The following STK10 variants were observed in gnomAD, a reference collection of about 807,000 sequenced individuals.
STK10 encodes serine/threonine-protein kinase 10.
STK10 carries 78 observed loss-of-function variants against 113.8 expected under a neutral mutation model. That is an observed-to-expected ratio of 0.69 (90% CI 0.57 to 0.83). The LOEUF is 0.83. STK10 is among the 40% of genes least tolerant of loss of function. The pLI, the probability that STK10 is intolerant of heterozygous loss-of-function variation, is 0.00. For synonymous variants in STK10, 465 were observed against 494.7 expected (o/e 0.94, Z 0.80); for missense variants, 1,109 against 1,280.1 (o/e 0.87, Z 2.04).
intron 14 of STK10, among the ~76,000 whole-genome samples, chr5:172,059,434 C>CAAA (rs58446505): frequency 4.7e-4 from 27 of 56,904 alleles, no homozygotes; most frequent in African/African-American, 9.7e-4. Flanking sequence ...CTCTCCATCT[C>CAAA]AAAAAAAAAA....
At chr5:172,119,119 A>G (rs3103574) in intron 3 of STK10, among the ~76,000 whole-genome samples, 55,419 of 151,558 alleles carry the variant, frequency 0.37, 12,185 homozygotes, top group African/African-American at 0.63. Flanking sequence ...GCTGCAGATC[A>G]CTCAGTGTCC....
intron 1 of STK10, among the ~76,000 whole-genome samples, chr5:172,186,923 A>G (rs551973049): frequency 6.6e-6 from 1 of 152,222 alleles, no homozygotes; most frequent in African/African-American, 2.4e-5. Flanking sequence ...CTAGGGTCAG[A>G]GTGCCCTACA....
intron 2 of STK10, among the ~76,000 whole-genome samples, chr5:172,155,838 T>C (rs1226201280): frequency 6.6e-6 from 1 of 151,538 alleles, no homozygotes; most frequent in Admixed American, 6.6e-5. Flanking sequence ...CTACTAAAAA[T>C]ACAAAAATTA....
Position 172,106,792 on chromosome 5 carries a change from A to C in STK10, c.616T>G (p.Cys206Gly). ...PYWMAPEVVMCETMKDTPYDY... is the reference protein window; with the variant it reads ...PYWMAPEVVMGETMKDTPYDY... ...TAGGGCGTGTCTTTCATGGTCTCAC[A>C]CATGACCACCTCGGGGGCCATCCTG... The change falls in exon 6 of 19, where the codon TGT (cysteine) becomes GGT (glycine). Residue 206 changes from cysteine (C) to glycine (G), a missense_variant. Coordinates refer to ENST00000176763, the MANE Select transcript of STK10 (RefSeq NM_005990.4). The C allele has an allele frequency of 6.2e-7, 1 of 1,614,110 alleles. No individual in the cohort carries two copies. Among genetic ancestry groups the C allele is most frequent in the Non-Finnish European group, 8.5e-7 (1 of 1,180,004 alleles).
At position 172,055,790 on chromosome 5, in the gene STK10, T is replaced by G; in HGVS notation, c.2338-14A>C. The G allele has an allele frequency of 6.8e-7, 1 of 1,460,682 alleles. No individual in the cohort carries two copies. The highest frequency in any genetic ancestry group is 1.5e-5 in the South Asian group (1 of 68,442). The allele number at this position is 1,460,682 out of a possible 1,614,324, so 90.5% of individuals were successfully genotyped here. A position where few individuals can be genotyped will look rare whatever the true frequency, so the allele number is the denominator to read the frequency against. On this transcript the variant is annotated splice_polypyrimidine_tract_variant and intron_variant, in intron 15 of 18. Transcript: ENST00000176763. ...CTGCTCCCGCTCCTGGAGAGGAATA[T>G]CCAGAGGGGCTGAGGGCAGCTGCAC...
At position 172,188,115 on chromosome 5, in the gene STK10, AAGG is replaced by A. The variant is rs1770994999; in HGVS notation, c.-76_-74del. 2 of 1,551,928 alleles carry A rather than the reference AAGG, an allele frequency of 1.3e-6. No individual in the cohort carries two copies. The highest frequency in any genetic ancestry group is 4.0e-5 in the Admixed American group (2 of 50,502). On this transcript the variant is annotated 5_prime_UTR_variant, in exon 1 of 19. Transcript: ENST00000176763. This position sits in a 1 kb window ranked among gnomAD's most constrained non-coding sequence, Gnocchi z 5.6. ...CTGTGGCTTCGGCGGCCGCGAGGAGAAGGAGGAGGAGTTGGAGGACGCCGCGTC... is the reference window on the plus strand; with the variant it reads ...CTGTGGCTTCGGCGGCCGCGAGGAGAAGGAGGAGTTGGAGGACGCCGCGTC...
chr5:172,117,440 G>T, intron 4 of STK10, 41 bp downstream of exon 4: 1 of 1,604,328 alleles, frequency 6.2e-7, no homozygotes, highest in South Asian at 1.1e-5. Flanking sequence ...CCCCCAGGCA[G>T]ACACCCTGTG....
chr5:172,156,173 A>T (rs1770343017), intron 2 of STK10, among the ~76,000 whole-genome samples: 1 of 152,192 alleles, frequency 6.6e-6, no homozygotes. Context: ...AAGAAGTGCT[A>T]CTATGACAAA....
intron 2 of STK10, among the ~76,000 whole-genome samples, chr5:172,134,211 C>G (rs1402141278): frequency 6.6e-6 from 1 of 152,184 alleles, no homozygotes; most frequent in Non-Finnish European, 1.5e-5. Context: ...AGTACTGCCT[C>G]TTTTATGCTC....
In STK10 at chr5:172,083,932, A is replaced by G. The variant is rs1278446927; in HGVS notation, c.1686-848T>C. Among the ~76,000 whole-genome samples the G allele has an allele frequency of 4.0e-3, 613 of 151,902 alleles. 6 individuals are homozygous for G. Among genetic ancestry groups the G allele is most frequent in the African/African-American group, 0.014 (587 of 41,408 alleles). Reference sequence around the variant, plus strand: ...TCAACAACACAAAAAAAAGAAAAAAAAAAAAAAAAAGAATAATCAGTCATT... The same window carrying G: ...TCAACAACACAAAAAAAAGAAAAAAGAAAAAAAAAAGAATAATCAGTCATT... On this transcript the variant is annotated intron_variant, in intron 10 of 18. Coordinates refer to ENST00000176763, the MANE Select transcript of STK10 (RefSeq NM_005990.4).
intron 12 of STK10, among the ~76,000 whole-genome samples, chr5:172,077,180 GAA>G (rs58306585): frequency 6.6e-6 from 1 of 152,214 alleles, no homozygotes; most frequent in African/African-American, 2.4e-5. Context: ...CGTGTCTTCA[GAA>G]AAGTTACTGA....
chr5:172,045,083 C>T, intron 18 of STK10, 61 bp from the exon 19 acceptor site: 2 of 1,594,298 alleles, frequency 1.3e-6, no homozygotes, highest in Non-Finnish European at 1.7e-6. Flanking sequence ...GTGGGTCTCC[C>T]ACTCACAGGA....
chr5:172,071,365 G>C (rs201515804), intron 12 of STK10, among the ~76,000 whole-genome samples: 1 of 49,944 alleles, frequency 2.0e-5, no homozygotes, highest in Non-Finnish European at 4.2e-5. Flanking sequence ...AAAAAAAAAT[G>C]ACCAGGTTCT....
At chr5:172,119,873 A>G (rs943138062) in intron 3 of STK10, among the ~76,000 whole-genome samples, 10 of 129,078 alleles carry the variant, frequency 7.7e-5, no homozygotes, top group African/African-American at 3.8e-4. Flanking sequence ...CAAAAAATAA[A>G]TAAATAAATA....
intron 18 of STK10, among the ~76,000 whole-genome samples, chr5:172,052,384 C>A (rs1767647245): frequency 6.6e-6 from 1 of 152,158 alleles, no homozygotes. Flanking sequence ...CAGCTAAGAG[C>A]CCAGCCACGC....
chr5:172,171,988 T>C (rs1357738962), intron 1 of STK10, among the ~76,000 whole-genome samples: 1 of 151,968 alleles, frequency 6.6e-6, no homozygotes, highest in Admixed American at 6.6e-5. Context: ...AGTCAGGAGT[T>C]TGAGACCAGC....
chr5:172,099,451 G>T (rs1006415739), intron 7 of STK10, among the ~76,000 whole-genome samples: 12 of 152,222 alleles, frequency 7.9e-5, no homozygotes, highest in African/African-American at 2.7e-4. Context: ...TGAGGCAGGA[G>T]AATCACTTGA....
Position 172,043,803 on chromosome 5 carries a change from G to A in STK10, c.*1079C>T, listed in dbSNP as rs1581125727. 6.6e-6 allele frequency: 1 copy of A among 152,302 alleles called. No individual in the cohort carries two copies. Among genetic ancestry groups the A allele is most frequent in the East Asian group, 1.9e-4 (1 of 5,178 alleles). 9.4% of individuals were successfully genotyped at this position (152,302 alleles called of 1,614,324 possible). On this transcript the variant is annotated 3_prime_UTR_variant, in exon 19 of 19. Transcript: ENST00000176763. ...CCCCCTGATGCTTTTTCTTCCTGAA[G>A]AGAAGTCCAACAGACTGCCAGCCCA...
At chr5:172,139,947 A>G (rs554645873) in intron 2 of STK10, among the ~76,000 whole-genome samples, 5 of 152,010 alleles carry the variant, frequency 3.3e-5, no homozygotes, top group Admixed American at 6.5e-5. Context: ...GGATACATCA[A>G]ACTAAAAAGT....
Sources: gnomAD v4.1 joint callset for allele counts (sites outside exome capture counted in the v4.1 genomes callset) on GRCh38, gnomAD v4.1.1 for gene constraint, Gnocchi (gnomAD v3.1) non-coding constraint, MANE v1.5 for transcripts, NCBI Gene and HGNC (gene_info 2026-07-23, HGNC 2026-07-21) for gene names.